TMEM74: variants seen among roughly 807,000 people sequenced by gnomAD.
The protein encoded by TMEM74 is transmembrane protein 74.
Under a neutral mutation model 18.1 loss-of-function variants are expected in TMEM74, and 13 were observed. The observed-to-expected ratio is 0.72, with a 90% CI of 0.47 to 1.14. TMEM74 has a LOEUF of 1.14. TMEM74 is among the 50% of genes most tolerant of loss of function. TMEM74 has a pLI of 0.00. For missense variants in TMEM74, 372 were observed against 375.9 expected (o/e 0.99, Z 0.09); for synonymous variants, 159 against 146.6 (o/e 1.08, Z -0.61).
At chr8:108,743,738 T>C (rs1313111599) in intron 1 of TMEM74, among the ~76,000 whole-genome samples, 3 of 152,170 alleles carry the variant, frequency 2.0e-5, no homozygotes, top group Non-Finnish European at 2.9e-5. Flanking sequence ...CAATTTATAA[T>C]ATCAATAGGC....
intron 1 of TMEM74, among the ~76,000 whole-genome samples, chr8:108,698,991 C>T (rs1012630062): frequency 6.6e-6 from 1 of 152,088 alleles, no homozygotes; most frequent in South Asian, 2.1e-4. Context: ...ACAAATAACC[C>T]TCCAGCAAGA....
chr8:108,722,127 T>C (rs1156714935), intron 1 of TMEM74, among the ~76,000 whole-genome samples: 1 of 152,220 alleles, frequency 6.6e-6, no homozygotes, highest in East Asian at 1.9e-4. Flanking sequence ...TTTGGAGTTG[T>C]AGTGTACCTT....
At chr8:108,786,666 C>T (rs887260895) in intron 1 of TMEM74, among the ~76,000 whole-genome samples, 2 of 152,048 alleles carry the variant, frequency 1.3e-5, no homozygotes, top group Non-Finnish European at 1.5e-5. Context: ...TAGAACAAAC[C>T]CCCACTAAAG....
chr8:108,613,468 T>C (rs1812354563), intron 2 of TMEM74, among the ~76,000 whole-genome samples: 1 of 152,216 alleles, frequency 6.6e-6, no homozygotes, highest in Non-Finnish European at 1.5e-5. Flanking sequence ...CACAGAGCTT[T>C]CTATTTAACT....
intron 1 of TMEM74, among the ~76,000 whole-genome samples, chr8:108,740,932 C>T (rs1343945046): frequency 6.6e-6 from 1 of 152,018 alleles, no homozygotes; most frequent in Middle Eastern, 3.2e-3. Context: ...CTGGAAATGA[C>T]CCAAATATCA....
At chr8:108,614,736 G>A (rs1812367107) in intron 2 of TMEM74, among the ~76,000 whole-genome samples, 1 of 152,048 alleles carries the variant, frequency 6.6e-6, no homozygotes, top group Admixed American at 6.5e-5. Flanking sequence ...TGGGGTGAGG[G>A]GCCAGCAGGT....
intron 1 of TMEM74, among the ~76,000 whole-genome samples, chr8:108,709,781 TTCCTTGATG>T (rs1326281150): frequency 6.6e-6 from 1 of 152,192 alleles, no homozygotes; most frequent in African/African-American, 2.4e-5. Context: ...ACATGTCTAT[TTCCTTGATG>T]TGGTGATGGT....
At chr8:108,732,892 C>G (rs1586277222) in intron 1 of TMEM74, among the ~76,000 whole-genome samples, 1 of 151,670 alleles carries the variant, frequency 6.6e-6, no homozygotes, top group Non-Finnish European at 1.5e-5. Flanking sequence ...AATGCAAATA[C>G]TTCACAAAAT....
At chr8:108,687,856 A>G (rs998788964) in intron 1 of TMEM74, among the ~76,000 whole-genome samples, 9 of 149,618 alleles carry the variant, frequency 6.0e-5, no homozygotes, top group African/African-American at 2.0e-4. Flanking sequence ...CCCACCACTC[A>G]CCTCCTGCTG....
intron 2 of TMEM74, among the ~76,000 whole-genome samples, chr8:108,613,409 G>A (rs939553201): frequency 1.3e-5 from 2 of 152,204 alleles, no homozygotes; most frequent in Non-Finnish European, 2.9e-5. Context: ...GCTCTTAGAA[G>A]ATCAGGAATA....
At chr8:108,651,157 T>C (rs1318174530) in intron 2 of TMEM74, among the ~76,000 whole-genome samples, 1 of 152,154 alleles carries the variant, frequency 6.6e-6, no homozygotes, top group Non-Finnish European at 1.5e-5. Flanking sequence ...CCAACTAAAA[T>C]GCAAGATCCA....
intron 1 of TMEM74, among the ~76,000 whole-genome samples, chr8:108,746,857 G>A (rs978931918): frequency 1.3e-5 from 2 of 152,110 alleles, no homozygotes; most frequent in African/African-American, 2.4e-5. Flanking sequence ...GGAGGTGATG[G>A]GAAGGTGGCA....
intron 1 of TMEM74, among the ~76,000 whole-genome samples, chr8:108,719,217 A>C (rs1216116501): frequency 6.6e-6 from 1 of 152,100 alleles, no homozygotes; most frequent in African/African-American, 2.4e-5. Context: ...GCATAAACAC[A>C]CAAACATTTA....
chr8:108,774,756 A>ATTTTT (rs71305916), downstream of TMEM74, among the ~76,000 whole-genome samples: 3 of 121,224 alleles, frequency 2.5e-5, no homozygotes, highest in African/African-American at 3.2e-5. Flanking sequence ...CCTTCCTTTA[A>ATTTTT]TTTTTTTTTT....
intron 1 of TMEM74, among the ~76,000 whole-genome samples, chr8:108,658,292 A>C (rs1812866216): frequency 6.6e-6 from 1 of 152,062 alleles, no homozygotes; most frequent in Non-Finnish European, 1.5e-5. Flanking sequence ...TATAAGGGTT[A>C]TGTAGGAATG....
chr8:108,770,579 C>G (rs938314731), intron 1 of TMEM74, among the ~76,000 whole-genome samples: 2 of 152,136 alleles, frequency 1.3e-5, no homozygotes, highest in African/African-American at 4.8e-5. Context: ...AATTCCTATA[C>G]TTACCTGACA....
chr8:108,745,884 C>A (rs1813844021), intron 1 of TMEM74, among the ~76,000 whole-genome samples: 2 of 152,118 alleles, frequency 1.3e-5, no homozygotes, highest in South Asian at 4.1e-4. Context: ...CTGTGAAAAT[C>A]CCTATCTTGT....
intron 1 of TMEM74, among the ~76,000 whole-genome samples, chr8:108,693,124 C>A (rs1281102879): frequency 1.3e-5 from 2 of 152,048 alleles, no homozygotes; most frequent in Admixed American, 6.6e-5. Context: ...TGTAAAGGTG[C>A]TGAGATGAAG....
At chr8:108,621,670 G>T (rs1265076050) in intron 2 of TMEM74, among the ~76,000 whole-genome samples, 1 of 152,100 alleles carries the variant, frequency 6.6e-6, no homozygotes, top group Non-Finnish European at 1.5e-5. Flanking sequence ...TCTCTGCTGA[G>T]GTGTAGCTTG....
Sources: gnomAD v4.1 joint callset for allele counts (sites outside exome capture counted in the v4.1 genomes callset) on GRCh38, gnomAD v4.1.1 for gene constraint, MANE v1.5 for transcripts, NCBI Gene and HGNC (gene_info 2026-07-23, HGNC 2026-07-21) for gene names.